Variants in TRAF3IP1 observed in about 807,000 individuals in gnomAD.
TRAF3IP1 encodes TRAF3-interacting protein 1.
A neutral mutation model predicts 89.9 loss-of-function variants in TRAF3IP1; 53 were observed. That is an observed-to-expected ratio of 0.59 (90% CI 0.47 to 0.74). TRAF3IP1 has a LOEUF of 0.74. Ranked by LOEUF, TRAF3IP1 falls within the 30% of genes least tolerant of loss-of-function variation. The pLI, the probability that TRAF3IP1 is intolerant of heterozygous loss-of-function variation, is 0.00. For missense variants in TRAF3IP1, 806 were observed against 866.1 expected (o/e 0.93, Z 0.87); for synonymous variants, 311 against 322.1 (o/e 0.97, Z 0.37).
chr2:238,365,811 G>T (rs1003855315), intron 15 of TRAF3IP1, among the ~76,000 whole-genome samples: 10 of 152,080 alleles, frequency 6.6e-5, no homozygotes, highest in African/African-American at 2.4e-4. Context: ...TTTCTTAGAG[G>T]TTTTGTTTTT....
At chr2:238,372,176 A>G (rs1418726610) in intron 15 of TRAF3IP1, among the ~76,000 whole-genome samples, 1 of 152,122 alleles carries the variant, frequency 6.6e-6, no homozygotes, top group Non-Finnish European at 1.5e-5. Context: ...ACATGTGCAC[A>G]ATGTGCAGGT....
intron 15 of TRAF3IP1, among the ~76,000 whole-genome samples, chr2:238,377,516 G>A (rs1700371817): frequency 6.6e-6 from 1 of 152,078 alleles, no homozygotes; most frequent in African/African-American, 2.4e-5. Context: ...CTATATGATT[G>A]TAGCTTTTCT....
Position 238,398,755 on chromosome 2 carries a change from A to G in TRAF3IP1, c.1912A>G (p.Ile638Val). The change falls in exon 17 of 17, where the codon ATC becomes GTC. Residue 638 changes from isoleucine to valine, a missense_variant and splice_region_variant. Physicochemically the swap from Ile to Val is conservative, Grantham distance 29. Around this residue, in one of 3 missense-constraint regions of TRAF3IP1, gnomAD observed 70 missense variants for 67.8 expected, o/e 1.03. Coordinates refer to ENST00000373327, the MANE Select transcript of TRAF3IP1 (RefSeq NM_015650.4). ...HAEALQQEQR[I>V]TDCAVEPLKA... The stretch of plus-strand genomic sequence containing the variant: ...GCCGCTGGTTTTGTTCTCCCTCAGG[A>G]TCACAGACTGTGCCGTGGAGCCCTT... 1 of 1,593,730 alleles carries G rather than the reference A, an allele frequency of 6.3e-7. No individual in the cohort carries two copies. The highest frequency in any genetic ancestry group is 1.4e-5 in the African/African-American group (1 of 73,752).
intron 12 of TRAF3IP1, among the ~76,000 whole-genome samples, chr2:238,350,883 C>T (rs931500842): frequency 3.3e-5 from 5 of 151,786 alleles, no homozygotes; most frequent in African/African-American, 7.3e-5. Context: ...GCAAGTGCAC[C>T]GAGAGAGAAG....
intron 15 of TRAF3IP1, among the ~76,000 whole-genome samples, chr2:238,372,993 T>C (rs552296686): frequency 5.3e-4 from 81 of 152,362 alleles, no homozygotes; most frequent in African/African-American, 1.9e-3. Context: ...GTTTTTTTCT[T>C]GTAAATTTGT....
chr2:238,354,913 C>T (rs561439380), intron 14 of TRAF3IP1, among the ~76,000 whole-genome samples: 40 of 150,962 alleles, frequency 2.6e-4, no homozygotes, highest in Non-Finnish European at 2.4e-4. Flanking sequence ...CCTCCCAAAG[C>T]GCTGGTATTA....
intron 15 of TRAF3IP1, among the ~76,000 whole-genome samples, chr2:238,388,209 T>C (rs1272116420): frequency 6.6e-6 from 1 of 151,944 alleles, no homozygotes; most frequent in Admixed American, 6.6e-5. Context: ...ACCACGTCTC[T>C]ACAAAAAATA....
chr2:238,343,330 G>A (rs1391204275), intron 8 of TRAF3IP1, among the ~76,000 whole-genome samples: 5 of 152,000 alleles, frequency 3.3e-5, no homozygotes, highest in Admixed American at 1.3e-4. Context: ...ATGATCCACC[G>A]GCCTCAGCCT....
rs1227679089 is a variant in TRAF3IP1 at position 238,399,074 on chromosome 2, A to C, written c.*155A>C. On this transcript the variant is annotated 3_prime_UTR_variant, in exon 17 of 17. Coordinates refer to ENST00000373327, the MANE Select transcript of TRAF3IP1 (RefSeq NM_015650.4). ...TTTTCAGAGCTTTAAAACTGTAAGCATGTTAAGTGTATTAAAAAAACCATG... is the reference window on the plus strand; with the variant it reads ...TTTTCAGAGCTTTAAAACTGTAAGCCTGTTAAGTGTATTAAAAAAACCATG... 7 of 655,620 alleles carry C rather than the reference A, an allele frequency of 1.1e-5. No homozygotes were observed. The African/African-American group carries it at 1.3e-4, about 12-fold the overall frequency. 40.6% of individuals were successfully genotyped at this position (655,620 alleles called of 1,614,324 possible).
At chr2:238,377,567 A>G (rs1410832715) in intron 15 of TRAF3IP1, among the ~76,000 whole-genome samples, 1 of 152,168 alleles carries the variant, frequency 6.6e-6, no homozygotes, top group African/African-American at 2.4e-5. Context: ...CAAATCAATT[A>G]TGGTATATTA....
At chr2:238,364,388 A>G (rs1182841268) in intron 15 of TRAF3IP1, among the ~76,000 whole-genome samples, 1 of 138,266 alleles carries the variant, frequency 7.2e-6, no homozygotes, top group South Asian at 2.4e-4. Flanking sequence ...TAATAGTAAG[A>G]TATTAGCTCC....
intron 15 of TRAF3IP1, among the ~76,000 whole-genome samples, chr2:238,378,549 T>C (rs1251533177): frequency 2.0e-5 from 3 of 152,244 alleles, no homozygotes; most frequent in African/African-American, 7.2e-5. Context: ...AAACTATATT[T>C]AATTTGCTGA....
intron 15 of TRAF3IP1, among the ~76,000 whole-genome samples, chr2:238,378,802 C>CA (rs1700428033): frequency 1.3e-5 from 2 of 152,168 alleles, no homozygotes; most frequent in Non-Finnish European, 2.9e-5. Flanking sequence ...GGGACCCCCC[C>CA]CCAGGCCCCA....
At chr2:238,326,343 G>A (rs982214554) in intron 3 of TRAF3IP1, among the ~76,000 whole-genome samples, 1 of 152,154 alleles carries the variant, frequency 6.6e-6, no homozygotes, top group African/African-American at 2.4e-5. Flanking sequence ...AGCCAGGGCT[G>A]CAGTGGCTGC....
chr2:238,396,868 CCTGCTGGGTG>C (rs1275345716), intron 15 of TRAF3IP1, among the ~76,000 whole-genome samples: 1 of 152,112 alleles, frequency 6.6e-6, no homozygotes, highest in Non-Finnish European at 1.5e-5. Flanking sequence ...TGACCATCTG[CCTGCTGGGTG>C]CTGCTGGCTG....
intron 15 of TRAF3IP1, among the ~76,000 whole-genome samples, chr2:238,360,666 G>A (rs1358565388): frequency 5.9e-5 from 9 of 152,070 alleles, no homozygotes; most frequent in East Asian, 1.9e-4. Flanking sequence ...GGCAGATCAC[G>A]AGGTCAGGAG....
At chr2:238,357,298 G>A (rs1699459979) in intron 15 of TRAF3IP1, among the ~76,000 whole-genome samples, 1 of 152,094 alleles carries the variant, frequency 6.6e-6, no homozygotes. Flanking sequence ...CTTTAAAGAG[G>A]AAGAAGAATT....
intron 15 of TRAF3IP1, among the ~76,000 whole-genome samples, chr2:238,356,980 G>A (rs975933087): frequency 3.9e-5 from 6 of 152,022 alleles, no homozygotes; most frequent in Non-Finnish European, 5.9e-5. Flanking sequence ...GGGTTTTACC[G>A]TGTTAGCCAG....
intron 15 of TRAF3IP1, among the ~76,000 whole-genome samples, chr2:238,393,694 TTTTG>T (rs1205229346): frequency 6.6e-6 from 1 of 152,216 alleles, no homozygotes; most frequent in Non-Finnish European, 1.5e-5. Context: ...TAGGTCAACG[TTTTG>T]TTTGTTTTTT....
Sources: allele counts gnomAD v4.1 joint callset (sites outside exome capture counted in the v4.1 genomes callset), GRCh38; gene constraint gnomAD v4.1.1; regional missense constraint gnomAD v4.1.1; transcripts MANE v1.5; gene names NCBI Gene and HGNC (gene_info 2026-07-23, HGNC 2026-07-21).